The following BTBD9 variants were observed in gnomAD, a reference collection of about 807,000 sequenced individuals.
BTBD9 encodes the protein BTB domain containing 9, also known as BTB/POZ domain-containing protein 9.
In BTBD9, 49 loss-of-function variants were observed where a neutral mutation model predicts 64.3. The ratio of observed to expected loss-of-function variants is 0.76; its 90% CI spans 0.61 to 0.97. BTBD9 has a LOEUF of 0.97. BTBD9 is among the 50% of genes least tolerant of loss of function. The probability of loss-of-function intolerance (pLI) is 0.00; values close to 1 mark genes in which losing one functional copy is unlikely to be tolerated. For synonymous variants in BTBD9, 260 were observed against 274.7 expected, an observed-to-expected ratio of 0.95 and a Z score of 0.53; for missense variants, 598 against 762.1, an observed-to-expected ratio of 0.78 and a Z score of 2.53.
In BTBD9 at chr6:38,321,813, CTT is replaced by C. The variant is rs536234869; in HGVS notation, c.1264+23169_1264+23170del. On this transcript the variant is annotated intron_variant, in intron 7 of 10. Transcript: ENST00000481247. The stretch of plus-strand genomic sequence containing the variant: ...CTACTTTCTTTTTCATTCATTCCTT[CTT>C]GTTTTATACACACACACACACACAC... Among the ~76,000 whole-genome samples the C allele has an allele frequency of 1.5e-3, 89 of 60,590 alleles. 1 individual carries two copies. In the Admixed American group the frequency reaches 0.016, roughly 11 times the overall value. 39.7% of individuals were successfully genotyped at this position (60,590 alleles called of 152,430 possible).
intron 9 of BTBD9, among the ~76,000 whole-genome samples, chr6:38,206,127 G>A (rs999733300): frequency 2.6e-5 from 4 of 151,886 alleles, no homozygotes; most frequent in Non-Finnish European, 4.4e-5. Context: ...ACAAGAATTT[G>A]TGTTGCTCTG....
intron 6 of BTBD9, among the ~76,000 whole-genome samples, chr6:38,379,442 A>G (rs1765835390): frequency 6.6e-6 from 1 of 152,214 alleles, no homozygotes; most frequent in East Asian, 1.9e-4. Context: ...CTCTACTAAA[A>G]TAAGGGATTA....
chr6:38,212,831 GC>G (rs751730300), intron 9 of BTBD9, among the ~76,000 whole-genome samples: 8 of 152,104 alleles, frequency 5.3e-5, no homozygotes, highest in Non-Finnish European at 1.0e-4. Flanking sequence ...GCTCCGTGTG[GC>G]TGTCCAATAC....
intron 6 of BTBD9, among the ~76,000 whole-genome samples, chr6:38,500,856 G>A (rs1454825663): frequency 1.3e-5 from 2 of 152,156 alleles, no homozygotes; most frequent in African/African-American, 2.4e-5. Flanking sequence ...TTCCCAACTT[G>A]TGGGTCATAG....
At chr6:38,278,830 GA>G (rs1442392160) in intron 8 of BTBD9, among the ~76,000 whole-genome samples, 2 of 152,164 alleles carry the variant, frequency 1.3e-5, no homozygotes, top group African/African-American at 4.8e-5. Context: ...ACCATTGAGG[GA>G]TATGGTTTCA....
At chr6:38,416,805 C>G (rs1767687855) in intron 6 of BTBD9, among the ~76,000 whole-genome samples, 1 of 152,148 alleles carries the variant, frequency 6.6e-6, no homozygotes, top group East Asian at 1.9e-4. Flanking sequence ...CCTCTCCAGC[C>G]CTCAGTACTA....
intron 6 of BTBD9, among the ~76,000 whole-genome samples, chr6:38,443,136 G>T (rs1437993605): frequency 6.6e-6 from 1 of 152,136 alleles, no homozygotes; most frequent in Non-Finnish European, 1.5e-5. Flanking sequence ...TGGACCACAT[G>T]AACAATTTAA....
intron 7 of BTBD9, among the ~76,000 whole-genome samples, chr6:38,308,917 C>T (rs558572436): frequency 5.1e-4 from 77 of 152,030 alleles, no homozygotes; most frequent in Non-Finnish European, 9.4e-4. Flanking sequence ...GCCACTGCGC[C>T]TGGGCCAACA....
At chr6:38,357,305 T>C (rs1191911046) in intron 6 of BTBD9, among the ~76,000 whole-genome samples, 2 of 152,132 alleles carry the variant, frequency 1.3e-5, no homozygotes, top group Non-Finnish European at 2.9e-5. Flanking sequence ...TAGGATTCAG[T>C]GTTTTGGGGG....
chr6:38,221,491 T>C (rs765046342), intron 9 of BTBD9, among the ~76,000 whole-genome samples: 16 of 152,066 alleles, frequency 1.1e-4, no homozygotes, highest in Non-Finnish European at 2.2e-4. Flanking sequence ...TACCACTAAA[T>C]TCCTGCCCAC....
intron 6 of BTBD9, among the ~76,000 whole-genome samples, chr6:38,501,465 A>C (rs1772196299): frequency 6.6e-6 from 1 of 152,226 alleles, no homozygotes; most frequent in African/African-American, 2.4e-5. Flanking sequence ...GCACATAGTA[A>C]ACACTCAATA....
rs115252486 is a variant in BTBD9, at chr6:38,194,250, C to T, written c.1563-1653G>A. Among the ~76,000 whole-genome samples, 443 of 152,268 alleles carry T rather than the reference C, an allele frequency of 2.9e-3. 1 individual carries two copies. Among genetic ancestry groups the T allele is most frequent in the African/African-American group, 9.7e-3 (402 of 41,566 alleles). ...CCACACACTCATGTCCTTCCTCCAG[C>T]AGGTGAGGGGAAGTGAAGGGAGCAG... On this transcript the variant is annotated intron_variant, in intron 9 of 10. Transcript: ENST00000481247.
chr6:38,491,206 T>A (rs1771686189), intron 6 of BTBD9, among the ~76,000 whole-genome samples: 1 of 152,220 alleles, frequency 6.6e-6, no homozygotes, highest in South Asian at 2.1e-4. Context: ...GTAGTACAGA[T>A]GAAAGTGATG....
chr6:38,213,490 G>C (rs1762903910), intron 9 of BTBD9, among the ~76,000 whole-genome samples: 1 of 152,108 alleles, frequency 6.6e-6, no homozygotes, highest in Non-Finnish European at 1.5e-5. Context: ...TATGAGTTCT[G>C]TAATAAAAAG....
intron 6 of BTBD9, among the ~76,000 whole-genome samples, chr6:38,374,558 A>T (rs1256942650): frequency 2.0e-5 from 3 of 151,674 alleles, no homozygotes. Flanking sequence ...CAGTTGAGAC[A>T]TCTCTTTTTT....
intron 7 of BTBD9, among the ~76,000 whole-genome samples, chr6:38,334,187 C>G (rs1027963162): frequency 5.3e-5 from 8 of 152,178 alleles, no homozygotes; most frequent in Non-Finnish European, 1.0e-4. Flanking sequence ...TTCTAAACAA[C>G]AATGCATTCA....
chr6:38,226,897 C>T (rs1184855118), intron 9 of BTBD9, among the ~76,000 whole-genome samples: 3 of 152,210 alleles, frequency 2.0e-5, no homozygotes, highest in Non-Finnish European at 2.9e-5. Context: ...ACCACTGCTG[C>T]GGCCTATCAA....
intron 4 of BTBD9, among the ~76,000 whole-genome samples, chr6:38,582,260 C>T (rs1331502530): frequency 6.6e-6 from 1 of 152,210 alleles, no homozygotes; most frequent in Non-Finnish European, 1.5e-5. Flanking sequence ...TTTCTAAATT[C>T]TATTAGCGTG....
intron 6 of BTBD9, among the ~76,000 whole-genome samples, chr6:38,356,736 T>G (rs1263701119): frequency 6.6e-6 from 1 of 152,210 alleles, no homozygotes; most frequent in Non-Finnish European, 1.5e-5. Flanking sequence ...ACTTTTAGCT[T>G]CATGTTAGGA....
Sources: allele counts gnomAD v4.1 joint callset (sites outside exome capture counted in the v4.1 genomes callset), GRCh38; gene constraint gnomAD v4.1.1; transcripts MANE v1.5; gene names NCBI Gene and HGNC (gene_info 2026-07-23, HGNC 2026-07-21).